The following PTPRR variants were observed in gnomAD, a reference collection of about 807,000 sequenced individuals.
PTPRR encodes receptor-type tyrosine-protein phosphatase R.
Under a neutral mutation model 77.2 loss-of-function variants are expected in PTPRR, and 38 were observed. That is an observed-to-expected ratio of 0.49 (90% CI 0.38 to 0.65). The LOEUF (loss-of-function observed/expected upper bound fraction) is 0.65, where lower values mean the gene tolerates loss of function less well. Ranked by LOEUF, PTPRR falls within the 30% of genes least tolerant of loss-of-function variation. The probability of loss-of-function intolerance (pLI) is 0.00; values close to 1 mark genes in which losing one functional copy is unlikely to be tolerated. For missense variants in PTPRR, 744 were observed against 799.2 expected (o/e 0.93, Z 0.83); for synonymous variants, 299 against 283.1 (o/e 1.06, Z -0.57).
chr12:70,768,813 G>C (rs1413163313), intron 2 of PTPRR, among the ~76,000 whole-genome samples: 1 of 151,736 alleles, frequency 6.6e-6, no homozygotes, highest in Non-Finnish European at 1.5e-5. Flanking sequence ...TATCCACCAT[G>C]ATCAAGTGGG....
chr12:70,666,112 G>C (rs1886983626), intron 10 of PTPRR, among the ~76,000 whole-genome samples: 2 of 152,108 alleles, frequency 1.3e-5, no homozygotes, highest in Admixed American at 6.5e-5. Flanking sequence ...AAGTAGGTAG[G>C]GTGGGTAGCA....
intron 1 of PTPRR, among the ~76,000 whole-genome samples, chr12:70,902,339 G>A (rs376113649): frequency 1.1e-3 from 164 of 151,804 alleles, no homozygotes; most frequent in African/African-American, 3.4e-3. Flanking sequence ...AAAAGAAGTC[G>A]TTATATGAAA....
chr12:70,887,367 G>A (rs913773912), intron 2 of PTPRR, among the ~76,000 whole-genome samples: 11 of 152,034 alleles, frequency 7.2e-5, no homozygotes, highest in African/African-American at 2.4e-4. Context: ...CAGGAGAATT[G>A]CTTGAACCCA....
At chr12:70,674,892 C>T (rs1887385948) in intron 10 of PTPRR, among the ~76,000 whole-genome samples, 1 of 151,952 alleles carries the variant, frequency 6.6e-6, no homozygotes, top group Non-Finnish European at 1.5e-5. Flanking sequence ...CCCATTAATG[C>T]TTCAGATATT....
At chr12:70,878,395 A>C (rs546209161) in intron 2 of PTPRR, among the ~76,000 whole-genome samples, 31 of 152,336 alleles carry the variant, frequency 2.0e-4, no homozygotes, top group African/African-American at 5.1e-4. Context: ...AACTCAAACA[A>C]ATTTACAAGA....
At chr12:70,647,410 A>G (rs1886240872) in intron 13 of PTPRR, among the ~76,000 whole-genome samples, 1 of 152,248 alleles carries the variant, frequency 6.6e-6, no homozygotes, top group Admixed American at 6.5e-5. Context: ...TGTAATATCT[A>G]TATGCATGTG....
intron 10 of PTPRR, chr12:70,664,733 A>C (rs1371691436): frequency 6.6e-6 from 1 of 152,220 alleles, no homozygotes; most frequent in East Asian, 1.9e-4. Context: ...TTACCAAAAA[A>C]GCAATTGGCA....
intron 8 of PTPRR, among the ~76,000 whole-genome samples, chr12:70,687,779 A>G (rs149630678): frequency 5.8e-4 from 89 of 152,316 alleles, no homozygotes; most frequent in Middle Eastern, 6.8e-3. Context: ...TATGCTCATC[A>G]GCATGGAAAT....
intron 2 of PTPRR, among the ~76,000 whole-genome samples, chr12:70,829,202 T>C (rs570228450): frequency 4.9e-5 from 7 of 142,012 alleles, no homozygotes; most frequent in East Asian, 2.1e-4. Context: ...TACTTGAAAA[T>C]TGAAGGAAAG....
intron 8 of PTPRR, among the ~76,000 whole-genome samples, chr12:70,686,174 T>A (rs1887862313): frequency 6.6e-6 from 1 of 152,224 alleles, no homozygotes; most frequent in Non-Finnish European, 1.5e-5. Context: ...CATATTTTTT[T>A]AGTAACACAC....
chr12:70,791,043 C>A (rs1891414096), intron 2 of PTPRR, among the ~76,000 whole-genome samples: 1 of 152,196 alleles, frequency 6.6e-6, no homozygotes, highest in Non-Finnish European at 1.5e-5. Flanking sequence ...ACTGCCAAAG[C>A]AGTTCTCCCT....
chr12:70,713,565 C>T (rs1408956601), intron 6 of PTPRR, among the ~76,000 whole-genome samples: 4 of 140,600 alleles, frequency 2.8e-5, no homozygotes, highest in African/African-American at 5.3e-5. Context: ...TTGCTGCTGC[C>T]TTTTTTTTTT....
At chr12:70,889,383 T>C (rs1314262427) in intron 2 of PTPRR, among the ~76,000 whole-genome samples, 1 of 152,172 alleles carries the variant, frequency 6.6e-6, no homozygotes, top group Non-Finnish European at 1.5e-5. Flanking sequence ...ACTTATAAGA[T>C]GAATCCAAAA....
intron 13 of PTPRR, among the ~76,000 whole-genome samples, chr12:70,640,542 A>C (rs138865054): frequency 2.0e-5 from 3 of 152,218 alleles, no homozygotes; most frequent in African/African-American, 4.8e-5. Flanking sequence ...CACTGTATAA[A>C]AGCATCACTA....
rs140362138 is a variant in PTPRR at position 70,754,484 on chromosome 12, C to G, written c.628-183G>C. 1.1e-4 allele frequency: 166 copies of G among 1,557,860 alleles called. No individual in the cohort carries two copies. In the East Asian group the frequency reaches 3.3e-3, roughly 31 times the overall value. Reference sequence around the variant, plus strand: ...ACAACAGACTGCCATCCTTATATATCGAGATTATTTAGTCTCCTATGCAGG... The same window carrying G: ...ACAACAGACTGCCATCCTTATATATGGAGATTATTTAGTCTCCTATGCAGG... On this transcript the variant is annotated intron_variant, in intron 4 of 13. Transcript: ENST00000283228.
At chr12:70,795,819 C>T (rs2137014272) in intron 2 of PTPRR, among the ~76,000 whole-genome samples, 1 of 150,732 alleles carries the variant, frequency 6.6e-6, no homozygotes, top group Non-Finnish European at 1.5e-5. Flanking sequence ...TGGAGTACTG[C>T]TCACTGTCAT....
At chr12:70,878,174 C>T (rs1893084904) in intron 2 of PTPRR, among the ~76,000 whole-genome samples, 1 of 152,184 alleles carries the variant, frequency 6.6e-6, no homozygotes, top group African/African-American at 2.4e-5. Flanking sequence ...CAATACCATT[C>T]ACGACATAGG....
intron 2 of PTPRR, among the ~76,000 whole-genome samples, chr12:70,838,535 T>C (rs1327889252): frequency 6.6e-6 from 1 of 152,168 alleles, no homozygotes; most frequent in Non-Finnish European, 1.5e-5. Context: ...AAGAGAAGAA[T>C]CTGGGCTATT....
chr12:70,698,178 C>T, intron 8 of PTPRR, 87 bp downstream of exon 8: 1 of 1,124,946 alleles, frequency 8.9e-7, no homozygotes, highest in South Asian at 1.3e-5. Flanking sequence ...CATCCATCAA[C>T]CCATCATCTA....
Sources: gnomAD v4.1 joint callset for allele counts (sites outside exome capture counted in the v4.1 genomes callset) on GRCh38, gnomAD v4.1.1 for gene constraint, MANE v1.5 for transcripts, NCBI Gene and HGNC (gene_info 2026-07-23, HGNC 2026-07-21) for gene names.